The following TRRAP variants were observed in gnomAD, a reference collection of about 807,000 sequenced individuals.
TRRAP encodes transformation/transcription domain associated protein, also known as transformation/transcription domain-associated protein.
TRRAP carries 41 observed loss-of-function variants against 438.8 expected under a neutral mutation model. The ratio of observed to expected loss-of-function variants is 0.09; its 90% CI spans 0.07 to 0.12. The LOEUF is 0.12. Ranked by LOEUF, TRRAP falls within the 10% of genes least tolerant of loss-of-function variation. The pLI is 1.00. For missense variants in TRRAP, 3,122 were observed against 5,055.1 expected (o/e 0.62, Z 11.60); for synonymous variants, 1,994 against 1,962.9 (o/e 1.02, Z -0.42).
At chr7:98,885,009 T>C (rs1253731495) in intron 3 of TRRAP, among the ~76,000 whole-genome samples, 1 of 152,148 alleles carries the variant, frequency 6.6e-6, no homozygotes, top group Non-Finnish European at 1.5e-5. Context: ...GGTAATGTGC[T>C]GACATAACAA....
chr7:98,967,445 G>C (rs1175102397), intron 50 of TRRAP, 40 bp from the exon 51 acceptor site: 1 of 1,601,622 alleles, frequency 6.2e-7, no homozygotes, highest in African/African-American at 1.3e-5. Flanking sequence ...TATGACTTGG[G>C]GAGTCCATCG....
chr7:99,008,537 G>A lies in TRRAP; in HGVS notation c.10914G>A (p.Ala3638=), dbSNP rs150714283. 390 of 1,613,790 alleles carry A rather than the reference G, an allele frequency of 2.4e-4. 3 individuals are homozygous for A. The East Asian group carries it at 6.3e-3, about 26-fold the overall frequency. Residue 3638 remains alanine (A), a synonymous_variant, in exon 70 of 73, where the codon GCG becomes GCA. Coordinates refer to ENST00000456197, the MANE Select transcript of TRRAP (RefSeq NM_001375524.1). ...RYYDRLATVQ[A]RGTQASHQVL... ...ATGACCGGCTGGCTACGGTGCAGGCGCGGGGAACCCAAGCCAGCCACCAGG... is the reference window on the plus strand; with the variant it reads ...ATGACCGGCTGGCTACGGTGCAGGCACGGGGAACCCAAGCCAGCCACCAGG...
At chr7:98,913,713 T>C (rs917929709) in intron 18 of TRRAP, among the ~76,000 whole-genome samples, 3 of 152,232 alleles carry the variant, frequency 2.0e-5, no homozygotes, top group African/African-American at 7.2e-5. Context: ...GCTTCTTTAT[T>C]AAGAACATCT....
chr7:98,904,509 A>T (rs1213787685), intron 12 of TRRAP, among the ~76,000 whole-genome samples: 1 of 149,142 alleles, frequency 6.7e-6, no homozygotes, highest in African/African-American at 2.5e-5. Flanking sequence ...AAAAAAAAAA[A>T]TACTTTTCAT....
chr7:98,951,057 ATCTG>A, intron 39 of TRRAP, 53 bp downstream of exon 39: 1 of 662,222 alleles, frequency 1.5e-6, no homozygotes, highest in Non-Finnish European at 2.2e-6. Context: ...GTGGATGAAC[ATCTG>A]TGTGTGTGTG....
intron 57 of TRRAP, among the ~76,000 whole-genome samples, 183 bp from the exon 58 acceptor site, chr7:98,978,586 T>G (rs1431230484): frequency 2.0e-5 from 3 of 152,222 alleles, no homozygotes; most frequent in Non-Finnish European, 4.4e-5. Flanking sequence ...GTTTGTGGTG[T>G]CCAGGGTGGG....
In TRRAP at chr7:98,908,957, C is replaced by T. The variant is rs1554408043; in HGVS notation, c.1345C>T (p.Leu449=). The change falls in exon 14 of 73, where the codon CTG becomes TTG. Residue 449 remains leucine, a synonymous_variant. Transcript: ENST00000456197. This position sits in a 1 kb window ranked among gnomAD's most constrained non-coding sequence, Gnocchi z 4.1. The part of the protein sequence containing the change: ...GNGRDVLMRM[L]EVFVLKFHTI... The stretch of plus-strand genomic sequence containing the variant: ...TGGGAGAGACGTCCTGATGCGGATG[C>T]TGGAGGTACCAGCTCTTCTGAGAGT... 1 of 1,612,532 alleles carries T rather than the reference C, an allele frequency of 6.2e-7. No homozygotes were observed. Among genetic ancestry groups the T allele is most frequent in the East Asian group, 2.2e-5 (1 of 44,806 alleles).
At chr7:98,950,670 A>G (rs1302400799) in intron 38 of TRRAP, among the ~76,000 whole-genome samples, 2 of 152,212 alleles carry the variant, frequency 1.3e-5, no homozygotes, top group African/African-American at 4.8e-5. Context: ...CATGAAAAGA[A>G]TAAACCAGGC....
chr7:98,900,649 T>G lies in TRRAP; in HGVS notation c.826T>G (p.Leu276Val). The G allele has an allele frequency of 6.2e-7, 1 of 1,612,868 alleles. No individual in the cohort carries two copies. The highest frequency in any genetic ancestry group is 1.1e-5 in the South Asian group (1 of 90,642). The change falls in exon 11 of 73, where the codon TTG (leucine) becomes GTG (valine). Residue 276 changes from leucine (L) to valine (V), a missense_variant. Physicochemically the swap from Leu to Val is conservative, Grantham distance 32 (BLOSUM62 1). Around this residue, in one of 24 missense-constraint regions of TRRAP, gnomAD observed 343 missense variants for 564.0 expected, o/e 0.61. Transcript: ENST00000456197. ...GCAACATAAGCTTTACAACAAGGAGTTGTATGCTGACTTCATTGCTGCTCA... is the reference window on the plus strand; with the variant it reads ...GCAACATAAGCTTTACAACAAGGAGGTGTATGCTGACTTCATTGCTGCTCA... ...ARQHKLYNKE[L>V]YADFIAAQIK... is the part of the protein sequence containing the mutation.
chr7:98,910,337 A>G lies in TRRAP; in HGVS notation c.1632A>G (p.Thr544=), dbSNP rs782068101. 1.6e-5 allele frequency: 25 copies of G among 1,610,814 alleles called. No homozygotes were observed. The Admixed American group carries it at 4.2e-4, about 27-fold the overall frequency. ...DKEDKQTFQV[T]DCRSLVKTLV... is the part of the protein sequence containing the mutation. ...AAGACAAGCAGACATTCCAAGTCACAGACTGTCGAAGTTTGGTCAAAACCT... is the reference window on the plus strand; with the variant it reads ...AAGACAAGCAGACATTCCAAGTCACGGACTGTCGAAGTTTGGTCAAAACCT... The change falls in exon 15 of 73, where the codon ACA becomes ACG. Residue 544 remains threonine (T), a synonymous_variant. Transcript: ENST00000456197.
chr7:98,996,925 A>G (rs781053735), intron 67 of TRRAP, among the ~76,000 whole-genome samples: 43 of 152,208 alleles, frequency 2.8e-4, no homozygotes, highest in Non-Finnish European at 5.6e-4. Flanking sequence ...TTGACAATCC[A>G]GAAACATAGT....
At chr7:98,891,905 G>A (rs529490370) in intron 4 of TRRAP, among the ~76,000 whole-genome samples, 44 of 152,276 alleles carry the variant, frequency 2.9e-4, no homozygotes, top group African/African-American at 1.0e-3. Flanking sequence ...AGTAAATAAA[G>A]TATTTTTATA....
chr7:98,893,149 G>A (rs781967899), intron 5 of TRRAP, among the ~76,000 whole-genome samples: 24 of 152,030 alleles, frequency 1.6e-4, no homozygotes, highest in Admixed American at 5.2e-4. Context: ...ATGGGGTTTC[G>A]CCATGTTGGT....
At chr7:98,996,247 C>T (rs1420272111) in intron 67 of TRRAP, among the ~76,000 whole-genome samples, 1 of 152,098 alleles carries the variant, frequency 6.6e-6, no homozygotes, top group Non-Finnish European at 1.5e-5. Flanking sequence ...ACACCCACAT[C>T]CACCGCGGTG....
chr7:98,959,406 C>G lies in TRRAP; in HGVS notation c.6405C>G (p.Asn2135Lys). 6.2e-7 allele frequency: 1 copy of G among 1,614,106 alleles called. No homozygotes were observed. Among genetic ancestry groups the G allele is most frequent in the Non-Finnish European group, 8.5e-7 (1 of 1,180,030 alleles). ...PGEVLSRRCV[N>K]LLKTALRPDM... is the part of the protein sequence containing the mutation. ...AGGTGCTCTCTCGCCGGTGTGTGAA[C>G]CTTCTGAAGACTGCGTTGCGGCCAG... Residue 2135 changes from asparagine to lysine, a missense_variant, in exon 45 of 73, where the codon AAC becomes AAG. By Grantham distance (94) the Asn-to-Lys change is moderately conservative (BLOSUM62 0). This residue lies in a region of TRRAP where 992 missense variants were observed against 1,281.2 expected (regional missense o/e 0.77). Transcript: ENST00000456197.
At chr7:98,990,840 A>G (rs1793400019) in intron 64 of TRRAP, among the ~76,000 whole-genome samples, 1 of 152,284 alleles carries the variant, frequency 6.6e-6, no homozygotes, top group Non-Finnish European at 1.5e-5. Flanking sequence ...AAAGCAGTTC[A>G]GTGTTAAAAT....
intron 41 of TRRAP, among the ~76,000 whole-genome samples, chr7:98,955,517 C>T (rs1303808977): frequency 6.6e-6 from 1 of 152,128 alleles, no homozygotes; most frequent in South Asian, 2.1e-4. Flanking sequence ...TGTGTCTTTG[C>T]GTCTGAGGCT....
At chr7:98,907,137 A>T (rs1796808007) in intron 13 of TRRAP, among the ~76,000 whole-genome samples, 1 of 152,140 alleles carries the variant, frequency 6.6e-6, no homozygotes, top group Non-Finnish European at 1.5e-5. Context: ...CAGCCTGACC[A>T]ACATGAAGAA....
chr7:98,889,425 A>G (rs1346898007), intron 3 of TRRAP, among the ~76,000 whole-genome samples: 1 of 152,164 alleles, frequency 6.6e-6, no homozygotes, highest in Non-Finnish European at 1.5e-5. Context: ...CCTATAAGGA[A>G]GGCGGGAAAT....
Sources: allele counts gnomAD v4.1 joint callset (sites outside exome capture counted in the v4.1 genomes callset), GRCh38; gene constraint gnomAD v4.1.1; regional missense constraint gnomAD v4.1.1; non-coding constraint Gnocchi (gnomAD v3.1); transcripts MANE v1.5; gene names NCBI Gene and HGNC (gene_info 2026-07-23, HGNC 2026-07-21).